ATP8A1: variants seen among roughly 807,000 people sequenced by gnomAD.
ATP8A1 encodes phospholipid-transporting ATPase IA.
Under a neutral mutation model 177.7 loss-of-function variants are expected in ATP8A1, and 90 were observed. The observed-to-expected ratio is 0.51, with a 90% CI of 0.43 to 0.60. ATP8A1 has a LOEUF of 0.60. Among genes scored for constraint, ATP8A1 ranks in the 20% least tolerant of loss-of-function variants. The probability of loss-of-function intolerance (pLI) is 0.00; values close to 1 mark genes in which losing one functional copy is unlikely to be tolerated. For synonymous variants in ATP8A1, 493 were observed against 485.9 expected (o/e 1.01, Z -0.19); for missense variants, 1,072 against 1,392.8 (o/e 0.77, Z 3.67).
chr4:42,449,137 A>G (rs756631795), intron 30 of ATP8A1, among the ~76,000 whole-genome samples: 6 of 152,142 alleles, frequency 3.9e-5, no homozygotes, highest in Non-Finnish European at 7.4e-5. Flanking sequence ...TGCCCAGCCT[A>G]CTTTGCACTT....
chr4:42,623,040 T>C (rs1368531938), intron 4 of ATP8A1, among the ~76,000 whole-genome samples: 1 of 140,702 alleles, frequency 7.1e-6, no homozygotes, highest in Non-Finnish European at 1.6e-5. Flanking sequence ...GCAAAGGACA[T>C]GAATGGACAC....
chr4:42,468,886 G>C (rs1456046818), intron 25 of ATP8A1, among the ~76,000 whole-genome samples: 1 of 152,206 alleles, frequency 6.6e-6, no homozygotes, highest in Non-Finnish European at 1.5e-5. Flanking sequence ...GCTAAACAAA[G>C]ATGTCAGATT....
chr4:42,465,311 A>G (rs1159268317), intron 25 of ATP8A1, among the ~76,000 whole-genome samples: 1 of 152,236 alleles, frequency 6.6e-6, no homozygotes, highest in Non-Finnish European at 1.5e-5. Flanking sequence ...TGACATCTAG[A>G]AGAGAGAATG....
chr4:42,530,762 G>A (rs558599905), intron 20 of ATP8A1, among the ~76,000 whole-genome samples: 1 of 152,330 alleles, frequency 6.6e-6, no homozygotes, highest in South Asian at 2.1e-4. Flanking sequence ...CCAGAAGGCC[G>A]TGTATGCTCT....
At position 42,624,616 on chromosome 4, in the gene ATP8A1, G is replaced by T; in HGVS notation, c.283C>A (p.Pro95Thr). ...ALLQQIPDVS[P>T]TGRYTTLVPL... Reference sequence around the variant, plus strand: ...ACCAGTGTTGTATAACGACCTGTTGGTGACACATCAGGTATTTGCTGTTTG... The same window carrying T: ...ACCAGTGTTGTATAACGACCTGTTGTTGACACATCAGGTATTTGCTGTTTG... The change falls in exon 4 of 37, where the codon CCA (proline) becomes ACA (threonine). Residue 95 changes from proline (P) to threonine (T), a missense_variant. This residue lies in a region of ATP8A1 where 344 missense variants were observed against 393.5 expected (regional missense o/e 0.87). Transcript: ENST00000381668. 1 of 1,451,406 alleles carries T rather than the reference G, an allele frequency of 6.9e-7. No individual in the cohort carries two copies. The highest frequency in any genetic ancestry group is 1.5e-5 in the African/African-American group (1 of 68,918). The allele number at this position is 1,451,406 out of a possible 1,614,324, so 89.9% of individuals were successfully genotyped here.
intron 14 of ATP8A1, among the ~76,000 whole-genome samples, chr4:42,570,386 AT>A (rs1731782258): frequency 1.3e-5 from 2 of 152,242 alleles, no homozygotes; most frequent in African/African-American, 4.8e-5. Flanking sequence ...CTGCAACTCC[AT>A]GTTTAAAGCA....
chr4:42,508,258 G>A (rs943126295), intron 22 of ATP8A1, among the ~76,000 whole-genome samples: 1 of 152,158 alleles, frequency 6.6e-6, no homozygotes, highest in Non-Finnish European at 1.5e-5. Flanking sequence ...TCAGCCTCCA[G>A]AGTAGCTTGG....
At chr4:42,601,229 T>G (rs1445839679) in intron 5 of ATP8A1, among the ~76,000 whole-genome samples, 3 of 151,936 alleles carry the variant, frequency 2.0e-5, no homozygotes, top group Non-Finnish European at 2.9e-5. Context: ...AGAGACAGCA[T>G]TTCATCATGT....
At chr4:42,634,342 G>A (rs2109519267) in intron 1 of ATP8A1, among the ~76,000 whole-genome samples, 1 of 152,298 alleles carries the variant, frequency 6.6e-6, no homozygotes, top group Middle Eastern at 3.4e-3. Flanking sequence ...TTGATCACAT[G>A]CTAAATTTAC....
chr4:42,580,085 G>T, intron 10 of ATP8A1, 107 bp from the exon 11 acceptor site: 1 of 826,060 alleles, frequency 1.2e-6, no homozygotes, highest in Non-Finnish European at 1.8e-6. Context: ...GTATCTAGAT[G>T]TGGGTGGATA....
rs1578135909 is a variant in ATP8A1, at chr4:42,543,830, T to A, written c.1722+87A>T. 3.2e-6 allele frequency: 3 copies of A among 933,738 alleles called. No homozygotes were observed. The East Asian group carries it at 8.4e-5, about 26-fold the overall frequency. 57.8% of individuals were successfully genotyped at this position (933,738 alleles called of 1,614,324 possible). A position where few individuals can be genotyped will look rare whatever the true frequency, so the allele number is the denominator to read the frequency against. On this transcript the variant is annotated intron_variant, in intron 20 of 36. Coordinates refer to ENST00000381668, the MANE Select transcript of ATP8A1 (RefSeq NM_006095.2). Reference sequence around the variant, plus strand: ...GATGTCAGCAACTTCATGTTAAACATCTGTGTTACATTTCCATAGAATGCC... The same window carrying A: ...GATGTCAGCAACTTCATGTTAAACAACTGTGTTACATTTCCATAGAATGCC...
chr4:42,421,325 A>G (rs111829538), intron 35 of ATP8A1, among the ~76,000 whole-genome samples: 1 of 152,216 alleles, frequency 6.6e-6, no homozygotes, highest in Non-Finnish European at 1.5e-5. Flanking sequence ...TTGCAGCTCT[A>G]TTATATTTTT....
In ATP8A1 at chr4:42,423,619, C is replaced by A; in HGVS notation, c.3210G>T (p.Lys1070Asn). The stretch of plus-strand genomic sequence containing the variant: ...TATATAACTGAGTATATACTTACAC[C>A]TTGTACACCACATCAAGGAGCAGAG... ...VASLLLDVVY[K>N]VIKRTAFKTL... The change falls in exon 34 of 37, where the codon AAG becomes AAT. Residue 1070 changes from lysine to asparagine, a missense_variant and splice_region_variant. Around this residue, in one of 5 missense-constraint regions of ATP8A1, gnomAD observed 316 missense variants for 459.1 expected, o/e 0.69. Coordinates refer to ENST00000381668, the MANE Select transcript of ATP8A1 (RefSeq NM_006095.2). 6.2e-7 allele frequency: 1 copy of A among 1,607,566 alleles called. No individual in the cohort carries two copies. Among genetic ancestry groups the A allele is most frequent in the South Asian group, 1.1e-5 (1 of 89,912 alleles).
intron 33 of ATP8A1, among the ~76,000 whole-genome samples, chr4:42,433,245 A>T (rs548474222): frequency 1.7e-4 from 25 of 151,468 alleles, no homozygotes; most frequent in South Asian, 1.3e-3. Flanking sequence ...TAGTACCAAG[A>T]CACTTTTCCA....
chr4:42,491,560 G>A (rs550372824), intron 24 of ATP8A1, among the ~76,000 whole-genome samples: 37 of 152,288 alleles, frequency 2.4e-4, no homozygotes, highest in African/African-American at 7.7e-4. Context: ...TGAGATGTGA[G>A]GGTGCCCTAG....
chr4:42,584,930 C>A (rs572572590), intron 9 of ATP8A1, among the ~76,000 whole-genome samples: 1 of 152,316 alleles, frequency 6.6e-6, no homozygotes, highest in South Asian at 2.1e-4. Flanking sequence ...CAATGGCCTA[C>A]AAAGCCCATA....
At chr4:42,613,343 C>CG (rs1473191646) in intron 5 of ATP8A1, among the ~76,000 whole-genome samples, 1 of 151,004 alleles carries the variant, frequency 6.6e-6, no homozygotes, top group Admixed American at 6.6e-5. Context: ...TACAGTCCCC[C>CG]CTCAATATCC....
At chr4:42,645,472 G>A (rs1297448780) in intron 1 of ATP8A1, among the ~76,000 whole-genome samples, 1 of 152,106 alleles carries the variant, frequency 6.6e-6, no homozygotes, top group Non-Finnish European at 1.5e-5. Context: ...CAATACCACT[G>A]CACATGAGAA....
intron 15 of ATP8A1, among the ~76,000 whole-genome samples, chr4:42,556,973 T>C (rs1320336110): frequency 6.6e-6 from 1 of 152,132 alleles, no homozygotes; most frequent in East Asian, 1.9e-4. Flanking sequence ...ATGTCAGATA[T>C]CAAGACTGTC....
Sources: allele counts gnomAD v4.1 joint callset (sites outside exome capture counted in the v4.1 genomes callset), GRCh38; gene constraint gnomAD v4.1.1; regional missense constraint gnomAD v4.1.1; transcripts MANE v1.5; gene names NCBI Gene and HGNC (gene_info 2026-07-23, HGNC 2026-07-21).